Variants in SERPINF2 observed in about 807,000 individuals in gnomAD.
SERPINF2 encodes alpha-2-antiplasmin.
A neutral mutation model predicts 45.0 loss-of-function variants in SERPINF2; 15 were observed. The observed-to-expected ratio is 0.33, with a 90% CI of 0.22 to 0.51. The LOEUF is 0.51. SERPINF2 is among the 20% of genes least tolerant of loss of function. The probability of loss-of-function intolerance (pLI) is 0.97; values close to 1 mark genes in which losing one functional copy is unlikely to be tolerated. For missense variants in SERPINF2, 518 were observed against 637.4 expected, an observed-to-expected ratio of 0.81 and a Z score of 2.02; for synonymous variants, 283 against 277.9, an observed-to-expected ratio of 1.02 and a Z score of -0.18.
chr17:1,752,921 G>T (rs736060), intron 9 of SERPINF2, 131 bp downstream of exon 9: 11 of 796,408 alleles, frequency 1.4e-5, no homozygotes, highest in Non-Finnish European at 1.8e-5. Context: ...CTTCGGGAGC[G>T]GGGAGAGGGT....
chr17:1,746,808 G>A (rs1023732226), intron 5 of SERPINF2, among the ~76,000 whole-genome samples: 1 of 152,184 alleles, frequency 6.6e-6, no homozygotes, highest in Admixed American at 6.5e-5. Context: ...GGAAACGGAA[G>A]CCCAGAGAGG....
At chr17:1,747,843 C>T (rs931129132) in intron 7 of SERPINF2, among the ~76,000 whole-genome samples, 14 of 151,890 alleles carry the variant, frequency 9.2e-5, no homozygotes, top group African/African-American at 2.2e-4. Flanking sequence ...GGATTACAGG[C>T]GTGAGCCACC....
chr17:1,744,821 G>A (rs1232064283), intron 1 of SERPINF2, 171 bp from the exon 2 acceptor site: 1 of 985,346 alleles, frequency 1.0e-6, no homozygotes, highest in Non-Finnish European at 1.2e-6. Flanking sequence ...CCCAGCTGCA[G>A]GAGTGGGAGC....
intron 1 of SERPINF2, among the ~76,000 whole-genome samples, chr17:1,743,910 T>C (rs1905539947): frequency 6.6e-6 from 1 of 151,256 alleles, no homozygotes; most frequent in East Asian, 2.0e-4. Context: ...CTTATTTATT[T>C]TTTTGAGACA....
intron 5 of SERPINF2, among the ~76,000 whole-genome samples, chr17:1,746,606 T>A (rs908752686): frequency 6.6e-6 from 1 of 151,978 alleles, no homozygotes; most frequent in Non-Finnish European, 1.5e-5. Flanking sequence ...TTTGTATTTT[T>A]AGTAGAGACG....
rs1905739399 is a variant in SERPINF2 at position 1,745,552 on chromosome 17, G to T, written c.166-156G>T. The T allele has an allele frequency of 1.0e-5, 12 of 1,165,310 alleles. No homozygotes were observed. In the South Asian group the frequency reaches 1.4e-4, roughly 14 times the overall value. The allele number at this position is 1,165,310 out of a possible 1,614,324, so 72.2% of individuals were successfully genotyped here. A position where few individuals can be genotyped will look rare whatever the true frequency, so the allele number is the denominator to read the frequency against. ...GGGGAGGACCGAAGGTGGGCGCCAG[G>T]CCCCAGAATGCCAGTGCCCTCCGTC... On this transcript the variant is annotated intron_variant, in intron 4 of 9. Transcript: ENST00000453066. This position sits in a 1 kb window ranked among gnomAD's most constrained non-coding sequence, Gnocchi z 6.2.
Position 1,745,763 on chromosome 17 carries a change from C to G in SERPINF2, c.221C>G (p.Pro74Arg). ...KSPPGVCSRD[P>R]TPEQTHRLAR... ...CCCCCAGGAGTCTGCAGCAGAGACC[C>G]CACCCCAGAGCAGACCCACAGGCTG... The change falls in exon 5 of 10, where the codon CCC becomes CGC. Residue 74 changes from proline (P) to arginine (R), a missense_variant. This residue lies in a region of SERPINF2 where 435 missense variants were observed against 577.3 expected (regional missense o/e 0.75). Transcript: ENST00000453066. The surrounding 1 kb of genome is among the most constrained non-coding windows in gnomAD (Gnocchi z 6.2). 6.2e-7 allele frequency: 1 copy of G among 1,614,016 alleles called. No individual in the cohort carries two copies. Among genetic ancestry groups the G allele is most frequent in the Non-Finnish European group, 8.5e-7 (1 of 1,180,010 alleles).
At chr17:1,744,298 G>A (rs1488349543) in intron 1 of SERPINF2, among the ~76,000 whole-genome samples, 1 of 151,836 alleles carries the variant, frequency 6.6e-6, no homozygotes. Context: ...TTTAAGACCA[G>A]CCTGACTAAC....
rs762039372 is a variant in SERPINF2, at chr17:1,747,504, A to G, written c.707A>G (p.His236Arg). 1 of 1,613,864 alleles carries G rather than the reference A, an allele frequency of 6.2e-7. No homozygotes were observed. Among genetic ancestry groups the G allele is most frequent in the Admixed American group, 1.7e-5 (1 of 60,002 alleles). ...GTGTTGCTTCTCCTCAACGCCATCC[A>G]CTTCCAGGGTGCGCTCCTCCTCCTC... is the stretch of plus-strand genomic sequence containing the variant. ...DTVLLLLNAI[H>R]FQGFWRNKFD... is the part of the protein sequence containing the mutation. Residue 236 changes from histidine (H) to arginine (R), a missense_variant, in exon 7 of 10, where the codon CAC becomes CGC. This residue lies in a region of SERPINF2 where 435 missense variants were observed against 577.3 expected (regional missense o/e 0.75). Transcript: ENST00000453066.
At chr17:1,744,945 G>A (rs1905657319) in intron 1 of SERPINF2, 47 bp from the exon 2 acceptor site, 1 of 1,611,826 alleles carries the variant, frequency 6.2e-7, no homozygotes, top group Admixed American at 1.7e-5. Flanking sequence ...TTCCCTGGCG[G>A]GCGTGGGGAT....
intron 8 of SERPINF2, among the ~76,000 whole-genome samples, chr17:1,749,980 T>C (rs967781503): frequency 2.0e-5 from 3 of 150,432 alleles, no homozygotes; most frequent in Admixed American, 1.3e-4. Context: ...TAAACTTCTT[T>C]TTTTTTTTTT....
intron 5 of SERPINF2, among the ~76,000 whole-genome samples, chr17:1,746,403 T>A (rs1050396350): frequency 3.3e-5 from 5 of 151,498 alleles, no homozygotes; most frequent in African/African-American, 1.2e-4. Flanking sequence ...CCGGGGAATC[T>A]GCTTATTTAC....
At chr17:1,743,855 A>G (rs1418627054) in intron 1 of SERPINF2, among the ~76,000 whole-genome samples, 1 of 151,836 alleles carries the variant, frequency 6.6e-6, no homozygotes, top group Non-Finnish European at 1.5e-5. Context: ...GACCCCAGCC[A>G]TCGGGGGAGT....
intron 8 of SERPINF2, among the ~76,000 whole-genome samples, chr17:1,750,293 C>T (rs941869979): frequency 5.3e-5 from 8 of 151,986 alleles, no homozygotes; most frequent in African/African-American, 1.5e-4. Flanking sequence ...GGACTACAGG[C>T]GCCCGCCACC....
At chr17:1,750,534 C>T (rs532468787) in intron 8 of SERPINF2, among the ~76,000 whole-genome samples, 223 of 152,064 alleles carry the variant, frequency 1.5e-3, no homozygotes, top group Middle Eastern at 6.8e-3. Flanking sequence ...GTGATCCGCC[C>T]GCCTTGGCCT....
chr17:1,754,539 C>T lies in SERPINF2; in HGVS notation c.*5C>T. 6.2e-7 allele frequency: 1 copy of T among 1,605,874 alleles called. No individual in the cohort carries two copies. Among genetic ancestry groups the T allele is most frequent in the Non-Finnish European group, 8.5e-7 (1 of 1,179,140 alleles). ...CAGTTTGGCAGCCCCAAGTGAGGGG[C>T]CGTGGCTGTGGCATCCAGAGTCCCT... On this transcript the variant is annotated 3_prime_UTR_variant, in exon 10 of 10. Coordinates refer to ENST00000453066, the MANE Select transcript of SERPINF2 (RefSeq NM_000934.4).
intron 1 of SERPINF2, among the ~76,000 whole-genome samples, chr17:1,744,275 C>T (rs1208355873): frequency 6.6e-6 from 1 of 151,714 alleles, no homozygotes; most frequent in African/African-American, 2.4e-5. Context: ...GGAGGATCAC[C>T]TGAGGTCGGG....
intron 9 of SERPINF2, 37 bp downstream of exon 9, chr17:1,752,827 G>T: frequency 6.4e-7 from 1 of 1,554,116 alleles, no homozygotes. Flanking sequence ...CCGAGGTCAG[G>T]CTGGGCAGGG....
chr17:1,751,694 C>T lies in SERPINF2; in HGVS notation c.859-892C>T, dbSNP rs1297112812. Among the ~76,000 whole-genome samples, 10 of 138,266 alleles carry T rather than the reference C, an allele frequency of 7.2e-5. 3 individuals carry two copies. Among genetic ancestry groups the T allele is most frequent in the Non-Finnish European group, 1.6e-4 (10 of 61,094 alleles). 90.7% of individuals were successfully genotyped at this position (138,266 alleles called of 152,430 possible). A position where few individuals can be genotyped will look rare whatever the true frequency, so the allele number is the denominator to read the frequency against. Reference sequence around the variant, plus strand: ...GCGTGAATCCACGAGGCGGAGGTTGCGGTGAGCCGAGATTGCGCCACTGCA... The same window carrying T: ...GCGTGAATCCACGAGGCGGAGGTTGTGGTGAGCCGAGATTGCGCCACTGCA... On this transcript the variant is annotated intron_variant, in intron 8 of 9. Transcript: ENST00000453066.
Sources: gnomAD v4.1 joint callset for allele counts (sites outside exome capture counted in the v4.1 genomes callset) on GRCh38, gnomAD v4.1.1 for gene constraint, gnomAD v4.1.1 regional missense constraint, Gnocchi (gnomAD v3.1) non-coding constraint, MANE v1.5 for transcripts, NCBI Gene and HGNC (gene_info 2026-07-23, HGNC 2026-07-21) for gene names.